NRG3: variants seen among roughly 807,000 people sequenced by gnomAD.
The protein encoded by NRG3 is pro-neuregulin-3, membrane-bound isoform.
Under a neutral mutation model 66.9 loss-of-function variants are expected in NRG3, and 31 were observed. The ratio of observed to expected loss-of-function variants is 0.46; its 90% CI spans 0.35 to 0.63. NRG3 has a LOEUF of 0.63. Among genes scored for constraint, NRG3 ranks in the 20% least tolerant of loss-of-function variants. The pLI is 0.00. For synonymous variants in NRG3, 393 were observed against 359.4 expected (o/e 1.09, Z -1.06); for missense variants, 910 against 878.9 (o/e 1.04, Z -0.45).
intron 2 of NRG3, among the ~76,000 whole-genome samples, chr10:82,655,262 G>A (rs1331775726): frequency 6.6e-6 from 1 of 151,714 alleles, no homozygotes. Flanking sequence ...GTAAAAAATG[G>A]CATTAAAAAA....
chr10:82,768,232 A>C (rs1231135468), intron 3 of NRG3, among the ~76,000 whole-genome samples: 3 of 151,958 alleles, frequency 2.0e-5, no homozygotes, highest in Non-Finnish European at 2.9e-5. Flanking sequence ...CACGTGTACT[A>C]GGCACGTTTT....
intron 2 of NRG3, among the ~76,000 whole-genome samples, chr10:82,701,716 C>T (rs1161603457): frequency 3.9e-5 from 6 of 152,152 alleles, no homozygotes; most frequent in Non-Finnish European, 7.4e-5. Context: ...TTGTTGAGCA[C>T]TTGATGCTTT....
chr10:82,488,842 T>C (rs1345959077), intron 2 of NRG3, among the ~76,000 whole-genome samples: 1 of 152,200 alleles, frequency 6.6e-6, no homozygotes, highest in Non-Finnish European at 1.5e-5. Context: ...CTTCATACCA[T>C]AGGGTCTCAA....
At chr10:82,683,737 T>C (rs2134142682) in intron 2 of NRG3, among the ~76,000 whole-genome samples, 1 of 152,344 alleles carries the variant, frequency 6.6e-6, no homozygotes, top group African/African-American at 2.4e-5. Flanking sequence ...TGTGTGCTCA[T>C]ATATTTTAGT....
At chr10:82,110,603 A>G (rs551717286) in intron 1 of NRG3, among the ~76,000 whole-genome samples, 1 of 143,984 alleles carries the variant, frequency 6.9e-6, no homozygotes, top group East Asian at 2.2e-4. Flanking sequence ...ATATTAATAT[A>G]GTTTTTTTTT....
intron 1 of NRG3, among the ~76,000 whole-genome samples, chr10:82,007,701 T>A (rs2061425546): frequency 6.6e-6 from 1 of 152,170 alleles, no homozygotes; most frequent in Non-Finnish European, 1.5e-5. Context: ...TTTATTTTTG[T>A]GCTATTTTAC....
At chr10:82,881,868 T>C (rs1842332664) in intron 4 of NRG3, among the ~76,000 whole-genome samples, 1 of 152,202 alleles carries the variant, frequency 6.6e-6, no homozygotes, top group African/African-American at 2.4e-5. Context: ...TGCTACACTG[T>C]GTTTTCCTGG....
At chr10:82,521,886 C>T (rs1846223383) in intron 2 of NRG3, among the ~76,000 whole-genome samples, 1 of 150,800 alleles carries the variant, frequency 6.6e-6, no homozygotes, top group African/African-American at 2.5e-5. Flanking sequence ...GATGAAGAAA[C>T]CACTTTCTTT....
intron 1 of NRG3, among the ~76,000 whole-genome samples, chr10:82,205,596 T>C (rs2075078330): frequency 6.6e-6 from 1 of 152,090 alleles, no homozygotes; most frequent in African/African-American, 2.4e-5. Flanking sequence ...CAGGGATATG[T>C]GAGAGGACAT....
At chr10:82,279,811 A>G (rs942578000) in intron 1 of NRG3, among the ~76,000 whole-genome samples, 10 of 152,224 alleles carry the variant, frequency 6.6e-5, no homozygotes, top group African/African-American at 2.4e-4. Context: ...AACTTTAAGG[A>G]TCAATCGAAA....
intron 1 of NRG3, among the ~76,000 whole-genome samples, chr10:82,312,751 A>G (rs1157730156): frequency 2.6e-5 from 4 of 152,328 alleles, no homozygotes; most frequent in Admixed American, 6.5e-5. Flanking sequence ...GAGAGCTTAG[A>G]TAAATTACAA....
intron 3 of NRG3, 124 bp from the exon 4 acceptor site, chr10:82,865,287 A>T (rs1840600087): frequency 1.6e-5 from 14 of 867,834 alleles, no homozygotes; most frequent in Non-Finnish European, 2.6e-5. Flanking sequence ...CATAGGGGTT[A>T]AAATTGAGGC....
At chr10:82,584,368 G>T (rs2046544641) in intron 2 of NRG3, among the ~76,000 whole-genome samples, 1 of 152,164 alleles carries the variant, frequency 6.6e-6, no homozygotes. Context: ...TTACAGGCAT[G>T]AGCCACTGCA....
chr10:82,277,039 C>T (rs1350368586), intron 1 of NRG3, among the ~76,000 whole-genome samples: 3 of 152,010 alleles, frequency 2.0e-5, no homozygotes, highest in Admixed American at 2.0e-4. Flanking sequence ...TGTTACCATA[C>T]AACTGAGATG....
intron 1 of NRG3, among the ~76,000 whole-genome samples, chr10:82,342,610 T>A (rs1564815212): frequency 1.3e-5 from 2 of 152,012 alleles, no homozygotes; most frequent in African/African-American, 2.4e-5. Flanking sequence ...CCCTTTTTAA[T>A]AGAGTTATTT....
chr10:81,988,724 A>C (rs2060621391), intron 1 of NRG3, among the ~76,000 whole-genome samples: 1 of 152,154 alleles, frequency 6.6e-6, no homozygotes. Context: ...TATATAGGAT[A>C]TAACAGTAAG....
chr10:82,649,894 A>G (rs1415283999), intron 2 of NRG3, among the ~76,000 whole-genome samples: 1 of 152,020 alleles, frequency 6.6e-6, no homozygotes, highest in Non-Finnish European at 1.5e-5. Flanking sequence ...TTCTCAGTGG[A>G]AGTTCTTTTT....
chr10:82,118,108 A>T, intron 1 of NRG3, among the ~76,000 whole-genome samples: 1 of 150,928 alleles, frequency 6.6e-6, no homozygotes, highest in East Asian at 2.0e-4. Flanking sequence ...ACTCACTGTT[A>T]TTGTCTTGGG....
At chr10:82,567,751 C>T (rs956332420) in intron 2 of NRG3, among the ~76,000 whole-genome samples, 1 of 151,978 alleles carries the variant, frequency 6.6e-6, no homozygotes, top group African/African-American at 2.4e-5. Context: ...CCTGCTGGTA[C>T]TGCTTCCAAA....
Sources: gnomAD v4.1 joint callset for allele counts (sites outside exome capture counted in the v4.1 genomes callset) on GRCh38, gnomAD v4.1.1 for gene constraint, MANE v1.5 for transcripts, NCBI Gene and HGNC (gene_info 2026-07-23, HGNC 2026-07-21) for gene names.